ZEB1: variants seen among roughly 807,000 people sequenced by gnomAD.
ZEB1 encodes the protein zinc finger E-box-binding homeobox 1.
A neutral mutation model predicts 84.9 loss-of-function variants in ZEB1; 21 were observed. The observed-to-expected ratio is 0.25, with a 90% CI of 0.18 to 0.36. ZEB1 has a LOEUF of 0.36. Among genes scored for constraint, ZEB1 ranks in the 10% least tolerant of loss-of-function variants. The probability of loss-of-function intolerance (pLI) is 1.00; values close to 1 mark genes in which losing one functional copy is unlikely to be tolerated. For missense variants in ZEB1, 1,104 were observed against 1,330.2 expected (o/e 0.83, Z 2.65); for synonymous variants, 420 against 471.1 (o/e 0.89, Z 1.41).
chr10:31,519,763 T>G (rs1205062378), intron 6 of ZEB1, among the ~76,000 whole-genome samples: 2 of 152,176 alleles, frequency 1.3e-5, no homozygotes, highest in African/African-American at 2.4e-5. Context: ...GAGTAAAATA[T>G]AGAAAATTAT....
At chr10:31,488,682 A>G (rs2066077252) in intron 2 of ZEB1, among the ~76,000 whole-genome samples, 1 of 150,938 alleles carries the variant, frequency 6.6e-6, no homozygotes, top group Non-Finnish European at 1.5e-5. Context: ...ATTCCCCTCT[A>G]TACAGTGTTT....
chr10:31,408,792 C>G (rs956850942), intron 1 of ZEB1, among the ~76,000 whole-genome samples: 10 of 150,036 alleles, frequency 6.7e-5, no homozygotes, highest in Non-Finnish European at 1.3e-4. Flanking sequence ...CATAAAAACC[C>G]TAGAAGAAAA....
chr10:31,348,086 T>A (rs2040636717), intron 1 of ZEB1, among the ~76,000 whole-genome samples: 1 of 152,186 alleles, frequency 6.6e-6, no homozygotes, highest in African/African-American at 2.4e-5. Context: ...GAATTTTAAC[T>A]ATTCTACTGG....
Position 31,514,600 on chromosome 10 carries a change from C to T in ZEB1, c.688-3C>T. 6.2e-7 allele frequency: 1 copy of T among 1,611,364 alleles called. No homozygotes were observed. The highest frequency in any genetic ancestry group is 1.1e-5 in the South Asian group (1 of 90,980). ...AAATAAAATACCAGTTCTTTTCTTACAGAGACATGTGACGCAGTCTGGGTG... is the reference window on the plus strand; with the variant it reads ...AAATAAAATACCAGTTCTTTTCTTATAGAGACATGTGACGCAGTCTGGGTG... On this transcript the variant is annotated splice_polypyrimidine_tract_variant and splice_region_variant and intron_variant, in intron 5 of 8. Transcript: ENST00000424869.
chr10:31,344,987 G>A (rs776536417), intron 1 of ZEB1, among the ~76,000 whole-genome samples: 10 of 152,008 alleles, frequency 6.6e-5, no homozygotes, highest in East Asian at 3.9e-4. Context: ...ATTTTGATAC[G>A]GGAAAATACA....
At chr10:31,379,005 A>C (rs1487300144) in intron 1 of ZEB1, among the ~76,000 whole-genome samples, 1 of 152,090 alleles carries the variant, frequency 6.6e-6, no homozygotes, top group East Asian at 1.9e-4. Flanking sequence ...CCTATCATTC[A>C]CTTAAATACC....
intron 2 of ZEB1, among the ~76,000 whole-genome samples, chr10:31,464,214 T>A (rs891867329): frequency 3.3e-5 from 5 of 151,564 alleles, no homozygotes; most frequent in Admixed American, 1.3e-4. Context: ...AGAAAAAATA[T>A]GAAAAACAGG....
intron 2 of ZEB1, among the ~76,000 whole-genome samples, chr10:31,465,290 T>C (rs2062269288): frequency 6.6e-6 from 1 of 151,990 alleles, no homozygotes; most frequent in Admixed American, 6.6e-5. Context: ...TAACACAGAA[T>C]GTGGGAGGGG....
At chr10:31,452,799 G>A (rs1161094226) in intron 1 of ZEB1, among the ~76,000 whole-genome samples, 4 of 138,512 alleles carry the variant, frequency 2.9e-5, no homozygotes, top group Non-Finnish European at 6.1e-5. Flanking sequence ...CCCAATTGAT[G>A]TTAAAGAATA....
At position 31,461,140 on chromosome 10, in the gene ZEB1, A is replaced by G. The variant is rs774094520; in HGVS notation, c.162A>G (p.Glu54=). ...GTGTTACAGATGCAGCTGACTGTGAAGGTGTACCAGAGGATGACCTGCCAA... is the reference window on the plus strand; with the variant it reads ...GTGTTACAGATGCAGCTGACTGTGAGGGTGTACCAGAGGATGACCTGCCAA... ...EESVTDAADC[E]GVPEDDLPTD... is the part of the protein sequence containing the mutation. Residue 54 remains glutamate, a synonymous_variant, in exon 2 of 9, where the codon GAA becomes GAG. Transcript: ENST00000424869. 36 of 1,613,650 alleles carry G rather than the reference A, an allele frequency of 2.2e-5. No homozygotes were observed. Among genetic ancestry groups the G allele is most frequent in the Non-Finnish European group, 2.5e-5 (29 of 1,179,738 alleles).
intron 2 of ZEB1, among the ~76,000 whole-genome samples, chr10:31,490,676 G>T (rs2066404141): frequency 6.6e-6 from 1 of 151,334 alleles, no homozygotes; most frequent in African/African-American, 2.4e-5. Flanking sequence ...TTTTCCCAAT[G>T]TTGCCATTTT....
At chr10:31,335,049 G>A (rs1482275769) in intron 1 of ZEB1, among the ~76,000 whole-genome samples, 1 of 152,014 alleles carries the variant, frequency 6.6e-6, no homozygotes, top group African/African-American at 2.4e-5. Context: ...AATGATGATT[G>A]TCTTTAACTC....
At chr10:31,389,355 C>A (rs538542966) in intron 1 of ZEB1, among the ~76,000 whole-genome samples, 28 of 152,012 alleles carry the variant, frequency 1.8e-4, no homozygotes, top group Non-Finnish European at 4.0e-4. Flanking sequence ...TATACACATA[C>A]CTATATTAGT....
chr10:31,419,746 G>A (rs1288180372), intron 1 of ZEB1, among the ~76,000 whole-genome samples: 1 of 152,186 alleles, frequency 6.6e-6, no homozygotes, highest in Non-Finnish European at 1.5e-5. Flanking sequence ...ATCTTGCCAA[G>A]GGTGAAAACA....
intron 2 of ZEB1, among the ~76,000 whole-genome samples, chr10:31,491,528 A>G (rs1397034792): frequency 6.6e-6 from 1 of 151,824 alleles, no homozygotes; most frequent in Non-Finnish European, 1.5e-5. Context: ...TTCAGGTTTT[A>G]AGCTCCCTTG....
At chr10:31,344,551 G>A (rs1318646556) in intron 1 of ZEB1, among the ~76,000 whole-genome samples, 2 of 152,088 alleles carry the variant, frequency 1.3e-5, no homozygotes, top group African/African-American at 2.4e-5. Flanking sequence ...TTCCCCAGCA[G>A]AAACTATTGT....
At chr10:31,400,406 A>G (rs1415056509) in intron 1 of ZEB1, among the ~76,000 whole-genome samples, 1 of 152,178 alleles carries the variant, frequency 6.6e-6, no homozygotes, top group Non-Finnish European at 1.5e-5. Flanking sequence ...AGCTAAAGGT[A>G]TTAGAAATAT....
Position 31,492,280 on chromosome 10 carries a change from C to A in ZEB1, c.260-3496C>A, listed in dbSNP as rs147561682. Among the ~76,000 whole-genome samples the A allele has an allele frequency of 5.9e-5, 9 of 151,886 alleles. No homozygotes were observed. The East Asian group carries it at 1.7e-3, about 29-fold the overall frequency. ...ACCACACTCCAAGGACCCATGTAATCGTTTCTCATTTTCAATATAGTGTTC... is the reference window on the plus strand; with the variant it reads ...ACCACACTCCAAGGACCCATGTAATAGTTTCTCATTTTCAATATAGTGTTC... On this transcript the variant is annotated intron_variant, in intron 2 of 8. Transcript: ENST00000424869.
At position 31,528,090 on chromosome 10, in the gene ZEB1, T is replaced by C. The variant is rs1197533249; in HGVS notation, c.*826T>C. 1 of 152,210 alleles carries C rather than the reference T, an allele frequency of 6.6e-6. No individual in the cohort carries two copies. The highest frequency in any genetic ancestry group is 2.4e-5 in the African/African-American group (1 of 41,454). The allele number at this position is 152,210 out of a possible 1,614,324, so 9.4% of individuals were successfully genotyped here. A position where few individuals can be genotyped will look rare whatever the true frequency, so the allele number is the denominator to read the frequency against. ...TGAATATGTGGTAACATATGAAGGA[T>C]ATGACATGAAGCTTTGTATCTCCTT... On this transcript the variant is annotated 3_prime_UTR_variant, in exon 9 of 9. Transcript: ENST00000424869.
Sources: allele counts gnomAD v4.1 joint callset (sites outside exome capture counted in the v4.1 genomes callset), GRCh38; gene constraint gnomAD v4.1.1; transcripts MANE v1.5; gene names NCBI Gene and HGNC (gene_info 2026-07-23, HGNC 2026-07-21).